Variants in SOX5 observed in about 807,000 individuals in gnomAD.
The protein encoded by SOX5 is SRY-box transcription factor 5, also known as transcription factor SOX-5.
SOX5 carries 9 observed loss-of-function variants against 92.0 expected under a neutral mutation model. The ratio of observed to expected loss-of-function variants is 0.10; its 90% confidence interval spans 0.06 to 0.17. SOX5 has a LOEUF of 0.17. Among genes scored for constraint, SOX5 ranks in the 10% least tolerant of loss-of-function variants. SOX5 has a pLI of 1.00. For missense variants in SOX5, 642 were observed against 944.5 expected, an observed-to-expected ratio of 0.68 and a Z score of 4.20; for synonymous variants, 344 against 336.3, an observed-to-expected ratio of 1.02 and a Z score of -0.25.
At chr12:24,432,065 G>A (rs947865827) in intron 1 of SOX5, among the ~76,000 whole-genome samples, 7 of 152,016 alleles carry the variant, frequency 4.6e-5, no homozygotes, top group Non-Finnish European at 7.4e-5. Context: ...CCCACCTCAG[G>A]AATCCCAAAG....
intron 6 of SOX5, among the ~76,000 whole-genome samples, chr12:23,672,567 GAC>G (rs1369737774): frequency 6.6e-6 from 1 of 151,928 alleles, no homozygotes; most frequent in African/African-American, 2.4e-5. Flanking sequence ...ATCCAGTCAA[GAC>G]ACAGTGCAAT....
intron 2 of SOX5, among the ~76,000 whole-genome samples, chr12:24,358,172 A>G (rs1955095684): frequency 6.6e-6 from 1 of 152,226 alleles, no homozygotes; most frequent in African/African-American, 2.4e-5. Context: ...TTACTATCTT[A>G]TTGAAAATCA....
At chr12:24,144,976 A>C (rs1056882255) in intron 4 of SOX5, among the ~76,000 whole-genome samples, 1 of 152,058 alleles carries the variant, frequency 6.6e-6, no homozygotes, top group African/African-American at 2.4e-5. Flanking sequence ...CCTGTAGTCC[A>C]AGCTGCTTGG....
chr12:24,084,311 G>C (rs1943708812), intron 4 of SOX5, among the ~76,000 whole-genome samples: 1 of 151,976 alleles, frequency 6.6e-6, no homozygotes, highest in African/African-American at 2.4e-5. Context: ...ATGGTTAAGT[G>C]AAACAGTCTA....
intron 2 of SOX5, among the ~76,000 whole-genome samples, chr12:24,296,813 G>GT (rs1947302087): frequency 1.4e-5 from 1 of 70,110 alleles, no homozygotes; most frequent in African/African-American, 5.1e-5. Context: ...CAGATACATT[G>GT]TTCTTAAAAA....
intron 1 of SOX5, among the ~76,000 whole-genome samples, chr12:24,397,981 C>G (rs1004234476): frequency 6.6e-6 from 1 of 152,060 alleles, no homozygotes; most frequent in Non-Finnish European, 1.5e-5. Flanking sequence ...TCCCAAGTAG[C>G]TGGGACTACA....
intron 2 of SOX5, among the ~76,000 whole-genome samples, chr12:24,283,259 A>G (rs1310880587): frequency 6.6e-6 from 1 of 152,242 alleles, no homozygotes; most frequent in Middle Eastern, 3.2e-3. Context: ...CTGGAAATCT[A>G]AAACCAGCAA....
chr12:24,339,163 C>CACACACACA (rs1952273837), intron 2 of SOX5, among the ~76,000 whole-genome samples: 2 of 140,470 alleles, frequency 1.4e-5, no homozygotes, highest in African/African-American at 5.4e-5. Context: ...TCTCTCTCTG[C>CACACACACA]CACACACACA....
chr12:24,397,472 G>A (rs1415644819), intron 1 of SOX5, among the ~76,000 whole-genome samples: 1 of 152,056 alleles, frequency 6.6e-6, no homozygotes, highest in Non-Finnish European at 1.5e-5. Context: ...TTGTTATTAT[G>A]AAGATGCACT....
intron 1 of SOX5, among the ~76,000 whole-genome samples, chr12:23,932,128 C>T (rs1941568199): frequency 6.6e-6 from 1 of 151,290 alleles, no homozygotes; most frequent in Non-Finnish European, 1.5e-5. Flanking sequence ...TCTGACAGAT[C>T]TAATTACAAT....
At chr12:24,296,380 G>A (rs968972968) in intron 2 of SOX5, among the ~76,000 whole-genome samples, 1 of 152,082 alleles carries the variant, frequency 6.6e-6, no homozygotes, top group Non-Finnish European at 1.5e-5. Flanking sequence ...ACTATTTGAC[G>A]GTGAAGCCAC....
At chr12:23,949,745 T>TCTCTCC, upstream of SOX5, 3 of 949,228 alleles carry the variant, frequency 3.2e-6, no homozygotes, top group Non-Finnish European at 4.5e-6. Flanking sequence ...TCTCTCTCTC[T>TCTCTCC]CTCTCTCCCT....
rs142114142 is a variant in SOX5, at chr12:24,332,337, T to C, written c.-174+36226A>G. Among the ~76,000 whole-genome samples, 426 of 152,298 alleles carry C rather than the reference T, an allele frequency of 2.8e-3. 3 individuals carry two copies. Among genetic ancestry groups the C allele is most frequent in the African/African-American group, 9.7e-3 (403 of 41,566 alleles). ...TTTAAAACTCTGAAGGAAAATTATT[T>C]TGCATTTTGAATGTTAAGCTTAGTC... On this transcript the variant is annotated intron_variant, in intron 2 of 4. Coordinates refer to the SOX5 transcript ENST00000446891.
intron 1 of SOX5, among the ~76,000 whole-genome samples, chr12:24,475,666 G>A (rs1245777923): frequency 6.6e-6 from 1 of 152,138 alleles, no homozygotes. Flanking sequence ...AAAGTCAACA[G>A]GCTAACTCTA....
intron 1 of SOX5, among the ~76,000 whole-genome samples, chr12:24,535,319 C>T (rs958906053): frequency 6.6e-6 from 1 of 152,186 alleles, no homozygotes; most frequent in Admixed American, 6.5e-5. Context: ...TGATGAAAAA[C>T]AACCCTTCAT....
At chr12:24,341,888 G>T (rs1595756129) in intron 2 of SOX5, among the ~76,000 whole-genome samples, 3 of 152,140 alleles carry the variant, frequency 2.0e-5, no homozygotes, top group Admixed American at 1.3e-4. Flanking sequence ...TTCTGGTAAG[G>T]CCACCTCCTC....
chr12:24,301,570 G>C (rs1399145924), intron 2 of SOX5, among the ~76,000 whole-genome samples: 1 of 152,142 alleles, frequency 6.6e-6, no homozygotes, highest in African/African-American at 2.4e-5. Context: ...AGAACAGTTA[G>C]CTTGTTAATA....
At chr12:24,000,067 G>A (rs182063794) in intron 4 of SOX5, among the ~76,000 whole-genome samples, 1 of 151,412 alleles carries the variant, frequency 6.6e-6, no homozygotes, top group Admixed American at 6.6e-5. Context: ...ATATGAAGAT[G>A]TCTTATACAT....
intron 7 of SOX5, among the ~76,000 whole-genome samples, chr12:23,660,669 G>A (rs2082913341): frequency 6.6e-6 from 1 of 151,538 alleles, no homozygotes; most frequent in Non-Finnish European, 1.5e-5. Flanking sequence ...TCTGTGGTTG[G>A]CAGTGTAATA....
Sources: allele counts gnomAD v4.1 joint callset (sites outside exome capture counted in the v4.1 genomes callset), GRCh38; gene constraint gnomAD v4.1.1; transcripts MANE v1.5; gene names NCBI Gene and HGNC (gene_info 2026-07-23, HGNC 2026-07-21).